CSMD3: variants seen among roughly 807,000 people sequenced by gnomAD.
The protein encoded by CSMD3 is CUB and sushi domain-containing protein 3.
CSMD3 carries 177 observed loss-of-function variants against 435.2 expected under a neutral mutation model. That is an observed-to-expected ratio of 0.41 (90% CI 0.36 to 0.46). CSMD3 has a LOEUF of 0.46. Among genes scored for constraint, CSMD3 ranks in the 20% least tolerant of loss-of-function variants. The pLI is 0.34. For synonymous variants in CSMD3, 1,656 were observed against 1,520.5 expected (o/e 1.09, Z -2.07); for missense variants, 4,265 against 4,504.6 (o/e 0.95, Z 1.52).
intron 15 of CSMD3, among the ~76,000 whole-genome samples, chr8:112,684,244 A>C (rs2075964473): frequency 6.6e-6 from 1 of 152,042 alleles, no homozygotes; most frequent in African/African-American, 2.4e-5. Flanking sequence ...TTCTCAAAGC[A>C]GTCATTTTAT....
intron 31 of CSMD3, among the ~76,000 whole-genome samples, chr8:112,478,651 G>A (rs941111962): frequency 6.6e-6 from 1 of 152,104 alleles, no homozygotes; most frequent in Non-Finnish European, 1.5e-5. Flanking sequence ...ACAACCTACT[G>A]AGAGCGGCAG....
intron 24 of CSMD3, among the ~76,000 whole-genome samples, chr8:112,565,958 TA>T (rs896765247): frequency 4.7e-5 from 7 of 147,788 alleles, no homozygotes; most frequent in African/African-American, 1.5e-4. Context: ...GTAACAAAAA[TA>T]AAAAAAAATT....
At chr8:112,696,389 G>A (rs1367297407) in intron 13 of CSMD3, among the ~76,000 whole-genome samples, 16 of 152,074 alleles carry the variant, frequency 1.1e-4, no homozygotes, top group African/African-American at 3.9e-4. Context: ...ATAGACCAAT[G>A]GAACAGAACA....
chr8:113,003,587 G>T (rs995662175), intron 6 of CSMD3, among the ~76,000 whole-genome samples: 18 of 151,992 alleles, frequency 1.2e-4, no homozygotes, highest in African/African-American at 4.3e-4. Context: ...ACCAAAATAG[G>T]CCCTGAGTAG....
At chr8:112,588,727 G>A (rs1195108490) in intron 22 of CSMD3, among the ~76,000 whole-genome samples, 3 of 152,068 alleles carry the variant, frequency 2.0e-5, no homozygotes, top group Admixed American at 6.6e-5. Flanking sequence ...CTCCAGTGTA[G>A]GCTTTTGAAG....
intron 10 of CSMD3, among the ~76,000 whole-genome samples, chr8:112,871,409 T>C (rs2081131385): frequency 6.6e-6 from 1 of 152,246 alleles, no homozygotes; most frequent in African/African-American, 2.4e-5. Context: ...TGAAAAGCAT[T>C]TGAGGCTTAA....
chr8:113,030,267 G>GA (rs574196007), intron 5 of CSMD3, among the ~76,000 whole-genome samples: 255 of 145,700 alleles, frequency 1.8e-3, no homozygotes, highest in African/African-American at 5.7e-3. Flanking sequence ...TACAGAATTA[G>GA]AAAAAAAAAA....
intron 6 of CSMD3, among the ~76,000 whole-genome samples, chr8:113,003,901 T>C (rs1231951118): frequency 3.3e-5 from 5 of 152,058 alleles, no homozygotes; most frequent in Non-Finnish European, 4.4e-5. Flanking sequence ...CTTCTGTGAA[T>C]ACATTGGCCT....
chr8:112,720,085 A>C (rs184165626), intron 13 of CSMD3, among the ~76,000 whole-genome samples: 54 of 152,284 alleles, frequency 3.5e-4, no homozygotes, highest in Admixed American at 3.3e-3. Flanking sequence ...CTTCAAGAGC[A>C]CTGATTTTTG....
chr8:113,007,179 A>G (rs2086089775), intron 6 of CSMD3, among the ~76,000 whole-genome samples: 1 of 152,060 alleles, frequency 6.6e-6, no homozygotes, highest in Middle Eastern at 3.4e-3. Context: ...CTTGAATCAT[A>G]TTTAGTGTTT....
intron 31 of CSMD3, among the ~76,000 whole-genome samples, chr8:112,479,362 G>T (rs1819400339): frequency 6.6e-6 from 1 of 152,196 alleles, no homozygotes; most frequent in African/African-American, 2.4e-5. Flanking sequence ...GCATTTTCAG[G>T]AGTGGGATAC....
chr8:112,899,617 A>C (rs1587618098), intron 10 of CSMD3, among the ~76,000 whole-genome samples: 1 of 108,918 alleles, frequency 9.2e-6, no homozygotes, highest in South Asian at 3.0e-4. Flanking sequence ...ATATATATAT[A>C]TATATATATA....
At position 112,921,692 on chromosome 8, in the gene CSMD3, C is replaced by A. The variant is rs748901647; in HGVS notation, c.1568G>T (p.Ser523Ile). 6.2e-7 allele frequency: 1 copy of A among 1,610,584 alleles called. No individual in the cohort carries two copies. Among genetic ancestry groups the A allele is most frequent in the Admixed American group, 1.7e-5 (1 of 59,906 alleles). ...TTCAGCTATCCGTTGACAGGTGATG[C>A]TCTTTGCGCCCTGTAGGACATAATC... ...DEDYVLQGAK[S>I]ITCQRIAEVF... Residue 523 changes from serine to isoleucine, a missense_variant, in exon 10 of 71, where the codon AGC becomes ATC. Around this residue, in one of 3 missense-constraint regions of CSMD3, gnomAD observed 731 missense variants for 755.4 expected, o/e 0.97. Coordinates refer to ENST00000297405, the MANE Select transcript of CSMD3 (RefSeq NM_198123.2).
chr8:112,929,457 T>C (rs111901876), intron 9 of CSMD3, among the ~76,000 whole-genome samples: 5,135 of 152,212 alleles, frequency 0.034, 150 homozygotes, highest in Middle Eastern at 0.051. Flanking sequence ...GAAGATTTTA[T>C]TTTTATTTTG....
chr8:112,645,334 C>T, intron 19 of CSMD3, 109 bp from the exon 20 acceptor site: 1 of 744,194 alleles, frequency 1.3e-6, no homozygotes, highest in South Asian at 1.4e-5. Context: ...TTTGCTTATG[C>T]TACCTCCTAG....
chr8:112,657,099 A>G (rs1396243832), intron 17 of CSMD3, among the ~76,000 whole-genome samples: 4 of 138,006 alleles, frequency 2.9e-5, no homozygotes, highest in Non-Finnish European at 3.0e-5. Context: ...ATCTAATTCC[A>G]TCAACCAGGC....
chr8:113,325,974 C>CAAA (rs560903801), intron 1 of CSMD3, among the ~76,000 whole-genome samples: 1 of 152,048 alleles, frequency 6.6e-6, no homozygotes, highest in South Asian at 2.1e-4. Flanking sequence ...ATAGCAAATC[C>CAAA]AAATAAGAAG....
intron 12 of CSMD3, among the ~76,000 whole-genome samples, chr8:112,827,201 A>ATATATATG (rs2079721303): frequency 8.3e-6 from 1 of 119,902 alleles, no homozygotes; most frequent in Non-Finnish European, 1.8e-5. Context: ...ATATATATAT[A>ATATATATG]TATATAATCT....
intron 27 of CSMD3, among the ~76,000 whole-genome samples, chr8:112,547,888 T>C (rs1187074653): frequency 6.6e-6 from 1 of 152,154 alleles, no homozygotes; most frequent in Non-Finnish European, 1.5e-5. Flanking sequence ...TGGTTCTTAC[T>C]AGACTCTCCT....
Sources: gnomAD v4.1 joint callset for allele counts (sites outside exome capture counted in the v4.1 genomes callset) on GRCh38, gnomAD v4.1.1 for gene constraint, gnomAD v4.1.1 regional missense constraint, MANE v1.5 for transcripts, NCBI Gene and HGNC (gene_info 2026-07-23, HGNC 2026-07-21) for gene names.